MSANTD7: variants seen among roughly 807,000 people sequenced by gnomAD.
MSANTD7 encodes Myb/SANT DNA binding domain containing 7, also known as zinc finger and SCAN domain containing 29.
At chr10:14,840,509 G>T in the MSANTD7 span, among the ~76,000 whole-genome samples, 4 of 152,154 alleles carry the variant, frequency 2.6e-5, no homozygotes, top group Non-Finnish European at 5.9e-5. Flanking sequence ...GAATTTTGCT[G>T]AATCTATTAC....
chr10:14,842,049 C>T, the MSANTD7 span: 4 of 972,190 alleles, frequency 4.1e-6, no homozygotes, highest in Non-Finnish European at 4.6e-6. This position sits in a 1 kb window ranked among gnomAD's most constrained non-coding sequence, Gnocchi z 5.2. Flanking sequence ...TGTTTATGAC[C>T]TACTCACAGG....
the MSANTD7 span, chr10:14,841,976 T>A: frequency 2.2e-6 from 1 of 465,112 alleles, no homozygotes; most frequent in African/African-American, 2.0e-5. Flanking sequence ...ATTAGGTTCT[T>A]GGTGCCGTGT....
chr10:14,840,028 T>C, the MSANTD7 span: 1 of 1,462,776 alleles, frequency 6.8e-7, no homozygotes, highest in African/African-American at 1.4e-5. Context: ...TAATTTAAAA[T>C]TACATACATT....
At chr10:14,840,038 T>C in the MSANTD7 span, 1 of 1,349,412 alleles carries the variant, frequency 7.4e-7, no homozygotes, top group South Asian at 1.4e-5. Flanking sequence ...TTACATACAT[T>C]GTAATATATA....
chr10:14,840,220 A>T, the MSANTD7 span: 1 of 844,404 alleles, frequency 1.2e-6, no homozygotes, highest in Non-Finnish European at 1.7e-6. Flanking sequence ...TTCTAAGCAT[A>T]ATGTGAAAAG....
At chr10:14,840,383 A>G in the MSANTD7 span, among the ~76,000 whole-genome samples, 2 of 152,170 alleles carry the variant, frequency 1.3e-5, no homozygotes, top group African/African-American at 2.4e-5. Context: ...TGACAGGTCA[A>G]TTTGGTAATT....
the MSANTD7 span, among the ~76,000 whole-genome samples, chr10:14,843,080 C>T: frequency 2.0e-5 from 3 of 152,198 alleles, no homozygotes; most frequent in East Asian, 5.8e-4. Flanking sequence ...CTCTCTAGAA[C>T]CAAACTAGTT....
chr10:14,843,339 T>C, the MSANTD7 span: 1 of 1,550,092 alleles, frequency 6.5e-7, no homozygotes, highest in Non-Finnish European at 8.7e-7. Flanking sequence ...GCAGGAATGT[T>C]CTCTTTGCAA....
chr10:14,839,438 G>C, the MSANTD7 span, among the ~76,000 whole-genome samples: 1 of 152,018 alleles, frequency 6.6e-6, no homozygotes, highest in African/African-American at 2.4e-5. Flanking sequence ...AGCCGGGAAC[G>C]CCTGTAATCC....
chr10:14,844,986 T>C, the MSANTD7 span: 3 of 985,476 alleles, frequency 3.0e-6, no homozygotes, highest in Non-Finnish European at 3.6e-6. Flanking sequence ...TTTATGTAGT[T>C]AATGGCATCT....
At chr10:14,846,463 T>C in the MSANTD7 span, 3 of 985,098 alleles carry the variant, frequency 3.0e-6, no homozygotes, top group Non-Finnish European at 3.6e-6. Flanking sequence ...CTTGAATAAG[T>C]ACACAGAAAA....
At chr10:14,843,320 A>G in the MSANTD7 span, 1 of 1,546,162 alleles carries the variant, frequency 6.5e-7, no homozygotes, top group Non-Finnish European at 8.7e-7. Context: ...GGCTCCAAGC[A>G]TTCCCTTAGC....
chr10:14,841,573 T>C, the MSANTD7 span, among the ~76,000 whole-genome samples: 1 of 152,190 alleles, frequency 6.6e-6, no homozygotes, highest in African/African-American at 2.4e-5. Context: ...AACATTTCCA[T>C]AGATCTCTCC....
At chr10:14,844,086 A>G in the MSANTD7 span, 68 of 1,414,370 alleles carry the variant, frequency 4.8e-5, no homozygotes, top group Admixed American at 5.9e-5. Context: ...CCTTTCAGAA[A>G]TGCCAGGGGT....
At chr10:14,841,356 C>T in the MSANTD7 span, 1 of 152,090 alleles carries the variant, frequency 6.6e-6, no homozygotes, top group African/African-American at 2.4e-5. Context: ...TCTTCAAGCC[C>T]AAATCACTGA....
At chr10:14,842,815 T>C in the MSANTD7 span, 9 of 1,535,994 alleles carry the variant, frequency 5.9e-6, no homozygotes, top group Non-Finnish European at 7.0e-6. This position sits in a 1 kb window ranked among gnomAD's most constrained non-coding sequence, Gnocchi z 5.2. Context: ...CCAGTGACCT[T>C]GAGGACTCCT....
At chr10:14,843,899 C>G in the MSANTD7 span, 6 of 1,536,102 alleles carry the variant, frequency 3.9e-6, no homozygotes, top group African/African-American at 1.4e-5. Context: ...AGCTAGGAAC[C>G]AATTACAAAA....
At chr10:14,838,719 G>A in the MSANTD7 span, 1 of 476,768 alleles carries the variant, frequency 2.1e-6, no homozygotes, top group South Asian at 3.1e-5. Flanking sequence ...GCGGCGGGAT[G>A]CCCGGAGGGG....
At chr10:14,845,889 G>C in the MSANTD7 span, 1 of 448,982 alleles carries the variant, frequency 2.2e-6, no homozygotes, top group African/African-American at 2.1e-5. Flanking sequence ...CTTTATCTCC[G>C]GATTGAGGGA....
Sources: allele counts gnomAD v4.1 joint callset (sites outside exome capture counted in the v4.1 genomes callset), GRCh38; gene constraint gnomAD v4.1.1; non-coding constraint Gnocchi (gnomAD v3.1); transcripts MANE v1.5; gene names NCBI Gene and HGNC (gene_info 2026-07-23, HGNC 2026-07-21).